The following NEK1 variants were observed in gnomAD, a reference collection of about 807,000 sequenced individuals.
The protein encoded by NEK1 is NIMA related kinase 1.
A neutral mutation model predicts 182.1 loss-of-function variants in NEK1; 137 were observed. That is an observed-to-expected ratio of 0.75 (90% confidence interval 0.65 to 0.87). NEK1 has a LOEUF of 0.87. NEK1 is among the 40% of genes least tolerant of loss of function. The probability of loss-of-function intolerance (pLI) is 0.00; values close to 1 mark genes in which losing one functional copy is unlikely to be tolerated. For synonymous variants in NEK1, 513 were observed against 492.2 expected, an observed-to-expected ratio of 1.04 and a Z score of -0.56; for missense variants, 1,391 against 1,494.4, an observed-to-expected ratio of 0.93 and a Z score of 1.14.
At chr4:169,417,400 T>C (rs146884230) in intron 31 of NEK1, among the ~76,000 whole-genome samples, 2 of 152,300 alleles carry the variant, frequency 1.3e-5, no homozygotes, top group African/African-American at 4.8e-5. Flanking sequence ...TAATTTATAA[T>C]ACTAAAAAAG....
chr4:169,397,105 TA>T (rs1229752676), intron 35 of NEK1, among the ~76,000 whole-genome samples: 1 of 152,114 alleles, frequency 6.6e-6, no homozygotes, highest in Non-Finnish European at 1.5e-5. Context: ...ACGCCAGTAG[TA>T]CCAGTTACTC....
Position 169,474,380 on chromosome 4 carries a change from C to G in NEK1, c.2434+2744G>C, listed in dbSNP as rs773906109. ...TAATCAGCATAAAATATTTTCAAGT[C>G]TCTTTTTACACAAGGTTACAATGAC... On this transcript the variant is annotated intron_variant, in intron 26 of 35. Coordinates refer to ENST00000507142, the MANE Select transcript of NEK1 (RefSeq NM_001199397.3). Among the ~76,000 whole-genome samples, 133 of 152,208 alleles carry G rather than the reference C, an allele frequency of 8.7e-4. 3 individuals are homozygous for G. The highest frequency in any genetic ancestry group is 4.1e-4 in the Non-Finnish European group (28 of 68,030).
intron 18 of NEK1, chr4:169,554,370 G>C (rs1399934030): frequency 7.0e-6 from 1 of 142,046 alleles, no homozygotes; most frequent in Non-Finnish European, 1.5e-5. Flanking sequence ...AGTGAGCCAT[G>C]ATCATGCCAT....
rs145068804 is a variant in NEK1 at position 169,493,074 on chromosome 4, T to A, written c.2008-13540A>T. ...GTGAACAGAGCCTAAATAAATCTGC[T>A]GTATCTTACTCTTCGGCACCATCTA... On this transcript the variant is annotated intron_variant, in intron 23 of 35. Transcript: ENST00000507142. Among the ~76,000 whole-genome samples, 183 of 152,284 alleles carry A rather than the reference T, an allele frequency of 1.2e-3. 3 individuals carry two copies. Among genetic ancestry groups the A allele is most frequent in the Admixed American group, 0.011 (170 of 15,292 alleles).
At chr4:169,600,230 T>A (rs1039007785) in intron 4 of NEK1, among the ~76,000 whole-genome samples, 6 of 151,822 alleles carry the variant, frequency 4.0e-5, no homozygotes, top group Non-Finnish European at 8.8e-5. Context: ...TGAGACAGGG[T>A]CCAGGTTAGA....
rs1200413296 is a variant in NEK1 at position 169,605,823 on chromosome 4, T to TA, written c.-48-3146dup. Among the ~76,000 whole-genome samples, 8 of 152,308 alleles carry TA rather than the reference T, an allele frequency of 5.3e-5. No individual in the cohort carries two copies. In the East Asian group the frequency reaches 1.5e-3, roughly 29 times the overall value. ...AATTATATCAATTCAATCTCTATAA[T>TA]ACATAGCTGATCCTGAAGATAAGCA... On this transcript the variant is annotated intron_variant, in intron 2 of 35. Transcript: ENST00000507142.
At chr4:169,454,065 A>G (rs1742367670) in intron 27 of NEK1, among the ~76,000 whole-genome samples, 1 of 152,194 alleles carries the variant, frequency 6.6e-6, no homozygotes, top group African/African-American at 2.4e-5. Context: ...ACCTGACAAA[A>G]ACGAGAAATG....
intron 23 of NEK1, among the ~76,000 whole-genome samples, chr4:169,489,071 T>C (rs1334478073): frequency 6.6e-6 from 1 of 152,212 alleles, no homozygotes; most frequent in African/African-American, 2.4e-5. Context: ...CTCATTTTTT[T>C]CCCACTATAC....
At chr4:169,541,558 G>C (rs1270976416) in intron 18 of NEK1, among the ~76,000 whole-genome samples, 1 of 152,148 alleles carries the variant, frequency 6.6e-6, no homozygotes, top group East Asian at 1.9e-4. Flanking sequence ...AAGAGTCTTA[G>C]ATGCCTACAG....
chr4:169,482,030 T>A (rs1315031196), intron 23 of NEK1, among the ~76,000 whole-genome samples: 1 of 152,246 alleles, frequency 6.6e-6, no homozygotes, highest in Non-Finnish European at 1.5e-5. Flanking sequence ...AGTTTCTCCA[T>A]CAGCACTTAC....
At chr4:169,448,052 A>C (rs1561204563) in intron 27 of NEK1, among the ~76,000 whole-genome samples, 1 of 151,790 alleles carries the variant, frequency 6.6e-6, no homozygotes. Context: ...CTCTACAAAA[A>C]AAAAATACAA....
intron 9 of NEK1, 83 bp downstream of exon 9, chr4:169,587,476 G>A: frequency 1.3e-6 from 1 of 775,968 alleles, no homozygotes. Flanking sequence ...TTACCTGAAA[G>A]ATAATATAAC....
intron 19 of NEK1, among the ~76,000 whole-genome samples, chr4:169,510,353 T>C (rs1303859837): frequency 6.6e-6 from 1 of 152,198 alleles, no homozygotes; most frequent in African/African-American, 2.4e-5. Context: ...TTTTACTATA[T>C]AATCTTATTC....
chr4:169,463,141 T>C (rs1654230106), intron 27 of NEK1, 102 bp downstream of exon 27: 1 of 628,388 alleles, frequency 1.6e-6, no homozygotes, highest in South Asian at 6.3e-5. Flanking sequence ...AAGAGAAAGA[T>C]AATTAAAAAT....
At chr4:169,425,055 G>A (rs1345276913) in intron 30 of NEK1, among the ~76,000 whole-genome samples, 1 of 152,142 alleles carries the variant, frequency 6.6e-6, no homozygotes, top group Non-Finnish European at 1.5e-5. Context: ...AGACACAAGG[G>A]TGGGCATGGT....
In NEK1 at chr4:169,477,525, G is replaced by A. The variant is rs201338509; in HGVS notation, c.2140-28C>T. ...TTAAATGCAGATAGATACAGAGGAA[G>A]AGATAATTTTATTTTTTTAAATCTA... On this transcript the variant is annotated intron_variant, in intron 24 of 35. Transcript: ENST00000507142. 210 of 1,509,100 alleles carry A rather than the reference G, an allele frequency of 1.4e-4. No homozygotes were observed. The Middle Eastern group carries it at 3.5e-3, about 25-fold the overall frequency. The allele number at this position is 1,509,100 out of a possible 1,614,324, so 93.5% of individuals were successfully genotyped here.
At chr4:169,529,427 C>T (rs1021945810) in intron 19 of NEK1, among the ~76,000 whole-genome samples, 1 of 152,014 alleles carries the variant, frequency 6.6e-6, no homozygotes, top group East Asian at 1.9e-4. Context: ...TTACAATAAA[C>T]GTCTTCTTCC....
intron 2 of NEK1, among the ~76,000 whole-genome samples, chr4:169,607,736 G>T (rs977238687): frequency 2.0e-5 from 3 of 152,026 alleles, no homozygotes; most frequent in Non-Finnish European, 2.9e-5. Flanking sequence ...GTGCTGGGAT[G>T]ACAGGTGTGA....
intron 31 of NEK1, among the ~76,000 whole-genome samples, 154 bp from the exon 32 acceptor site, chr4:169,406,901 TA>T (rs1456962837): frequency 4.0e-5 from 6 of 151,138 alleles, no homozygotes; most frequent in Non-Finnish European, 7.4e-5. Flanking sequence ...ATGTAACATA[TA>T]AAAAATATAT....
Sources: gnomAD v4.1 joint callset for allele counts (sites outside exome capture counted in the v4.1 genomes callset) on GRCh38, gnomAD v4.1.1 for gene constraint, MANE v1.5 for transcripts, NCBI Gene and HGNC (gene_info 2026-07-23, HGNC 2026-07-21) for gene names.